The following CCND1 variants were observed in gnomAD, a reference collection of about 807,000 sequenced individuals.
The protein encoded by CCND1 is cyclin D1.
A neutral mutation model predicts 26.1 loss-of-function variants in CCND1; 9 were observed. The observed-to-expected ratio is 0.35, with a 90% CI of 0.21 to 0.60. The LOEUF (loss-of-function observed/expected upper bound fraction) is 0.60, where lower values mean the gene tolerates loss of function less well. Ranked by LOEUF, CCND1 falls within the 20% of genes least tolerant of loss-of-function variation. CCND1 has a pLI of 0.79. For missense variants in CCND1, 335 were observed against 392.9 expected (o/e 0.85, Z 1.25); for synonymous variants, 194 against 166.1 (o/e 1.17, Z -1.29).
chr11:69,647,866 CAG>C (rs1855803711), intron 3 of CCND1, 126 bp from the exon 4 acceptor site: 2 of 1,034,910 alleles, frequency 1.9e-6, no homozygotes, highest in African/African-American at 3.2e-5. Context: ...TGTGGAGCCT[CAG>C]ATACCGAGTG....
intron 3 of CCND1, chr11:69,644,207 A>G: frequency 1.7e-6 from 1 of 596,918 alleles, no homozygotes; most frequent in Non-Finnish European, 3.0e-6. Context: ...GCCACCATGC[A>G]GTACCTTGGG....
rs768653098 is a variant in CCND1 at position 69,643,111 on chromosome 11, C to T, written c.279C>T (p.Pro93=). The change falls in exon 2 of 5, where the codon CCC becomes CCT. Residue 93 remains proline, a synonymous_variant. Coordinates refer to ENST00000227507, the MANE Select transcript of CCND1 (RefSeq NM_053056.3). ...NYLDRFLSLE[P]VKKSRLQLLG... Reference sequence around the variant, plus strand: ...TGGACCGCTTCCTGTCGCTGGAGCCCGTGAAAAAGAGCCGCCTGCAGCTGC... The same window carrying T: ...TGGACCGCTTCCTGTCGCTGGAGCCTGTGAAAAAGAGCCGCCTGCAGCTGC... 6.2e-7 allele frequency: 1 copy of T among 1,610,916 alleles called. No individual in the cohort carries two copies.
At chr11:69,645,768 C>A (rs1332799324) in intron 3 of CCND1, among the ~76,000 whole-genome samples, 2 of 152,142 alleles carry the variant, frequency 1.3e-5, no homozygotes, top group African/African-American at 2.4e-5. Flanking sequence ...TTGCCCTCCA[C>A]GTGGCAAAGG....
chr11:69,653,603 G>A lies in CCND1; in HGVS notation c.*2321G>A, dbSNP rs1427669336. On this transcript the variant is annotated 3_prime_UTR_variant, in exon 5 of 5. Coordinates refer to ENST00000227507, the MANE Select transcript of CCND1 (RefSeq NM_053056.3). ...ACACAGGCTGGCGGGGGCCGGCCCC[G>A]AGGCCGCGTGCGTGAGAACCGCGCC... 14 of 485,314 alleles carry A rather than the reference G, an allele frequency of 2.9e-5. No homozygotes were observed. Among genetic ancestry groups the A allele is most frequent in the Non-Finnish European group, 4.4e-5 (12 of 274,910 alleles). The allele number at this position is 485,314 out of a possible 1,614,324, so 30.1% of individuals were successfully genotyped here.
At chr11:69,647,951 G>A (rs1238452240) in intron 3 of CCND1, 43 bp from the exon 4 acceptor site, 2 of 1,609,056 alleles carry the variant, frequency 1.2e-6, no homozygotes, top group South Asian at 1.1e-5. Context: ...CCCTGAGAGG[G>A]TCCCCTGCTC....
At chr11:69,645,317 T>TCCCC (rs904608057) in intron 3 of CCND1, among the ~76,000 whole-genome samples, 11 of 152,144 alleles carry the variant, frequency 7.2e-5, no homozygotes, top group African/African-American at 2.7e-4. Flanking sequence ...GGAGAGAACG[T>TCCCC]GGGGCGTGGT....
Position 69,652,109 on chromosome 11 carries a change from C to CTCTT in CCND1, c.*828_*829insCTTT, listed in dbSNP as rs1264112819. ...CCTGTCCCACTCCTACGATACGCTA[C>CTCTT]TATAAAGAGAAGACGAAATAGTGAC... On this transcript the variant is annotated 3_prime_UTR_variant, in exon 5 of 5. Coordinates refer to ENST00000227507, the MANE Select transcript of CCND1 (RefSeq NM_053056.3). 1 of 233,372 alleles carries CTCTT rather than the reference C, an allele frequency of 4.3e-6. No homozygotes were observed. The highest frequency in any genetic ancestry group is 5.6e-5 in the Admixed American group (1 of 17,756). 14.5% of individuals were successfully genotyped at this position (233,372 alleles called of 1,614,324 possible). A position where few individuals can be genotyped will look rare whatever the true frequency, so the allele number is the denominator to read the frequency against.
chr11:69,654,264 C>T lies in CCND1; in HGVS notation c.*2982C>T, dbSNP rs1294668998. ...CACAAGTCCTGGATGTTGTGTGTAT[C>T]GAGAGGCCAAAGGCTGGTGGCAAGT... On this transcript the variant is annotated 3_prime_UTR_variant, in exon 5 of 5. Coordinates refer to ENST00000227507, the MANE Select transcript of CCND1 (RefSeq NM_053056.3). This position sits in a 1 kb window ranked among gnomAD's most constrained non-coding sequence, Gnocchi z 6.3. The T allele has an allele frequency of 2.4e-5, 17 of 702,440 alleles. No homozygotes were observed. Among genetic ancestry groups the T allele is most frequent in the South Asian group, 1.2e-4 (8 of 67,606 alleles). 43.5% of individuals were successfully genotyped at this position (702,440 alleles called of 1,614,324 possible). A position where few individuals can be genotyped will look rare whatever the true frequency, so the allele number is the denominator to read the frequency against.
At chr11:69,645,499 G>A (rs2120100276) in intron 3 of CCND1, among the ~76,000 whole-genome samples, 1 of 152,304 alleles carries the variant, frequency 6.6e-6, no homozygotes, top group Non-Finnish European at 1.5e-5. Flanking sequence ...GGACACTTGG[G>A]GACCCAGCTG....
At chr11:69,651,046 G>A (rs2120118720) in intron 4 of CCND1, 72 bp from the exon 5 acceptor site, 2 of 1,439,096 alleles carry the variant, frequency 1.4e-6, no homozygotes, top group Non-Finnish European at 1.9e-6. Flanking sequence ...ATGGCACCTG[G>A]GAAGGGGCCC....
rs765904377 is a variant in CCND1 at position 69,641,479 on chromosome 11, A to T, written c.166A>T (p.Met56Leu). ...TGTGCAGAAGGAGGTCCTGCCGTCC[A>T]TGCGGAAGATCGTCGCCACCTGGAT... is the stretch of plus-strand genomic sequence containing the variant. The part of the protein sequence containing the change: ...KCVQKEVLPS[M>L]RKIVATWMLE... The change falls in exon 1 of 5, where the codon ATG becomes TTG. Residue 56 changes from methionine to leucine, a missense_variant. Met to Leu is a conservative substitution (Grantham distance 15). Transcript: ENST00000227507. The T allele has an allele frequency of 1.2e-6, 2 of 1,613,258 alleles. No individual in the cohort carries two copies. Among genetic ancestry groups the T allele is most frequent in the Non-Finnish European group, 1.7e-6 (2 of 1,179,982 alleles).
Position 69,643,254 on chromosome 11 carries a change from CT to C in CCND1, c.414+9del, listed in dbSNP as rs1484194988. The C allele has an allele frequency of 1.7e-5, 27 of 1,553,298 alleles. No homozygotes were observed. Among genetic ancestry groups the C allele is most frequent in the Non-Finnish European group, 2.3e-5 (26 of 1,149,870 alleles). ...CGGCCCGAGGAGCTGCTGGTAACCA[CT>C]GGACCCCGCCGCCCCCCGCCCCCCG... is the stretch of plus-strand genomic sequence containing the variant. On this transcript the variant is annotated intron_variant, in intron 2 of 4. Coordinates refer to ENST00000227507, the MANE Select transcript of CCND1 (RefSeq NM_053056.3).
rs1441419432 is a variant in CCND1 at position 69,652,807 on chromosome 11, C to T, written c.*1525C>T. ...ACACACACACACACACACACACAAA[C>T]CTTCTGCCTTTGATGTTACAGATTT... On this transcript the variant is annotated 3_prime_UTR_variant, in exon 5 of 5. Coordinates refer to ENST00000227507, the MANE Select transcript of CCND1 (RefSeq NM_053056.3). 2 of 231,688 alleles carry T rather than the reference C, an allele frequency of 8.6e-6. No individual in the cohort carries two copies. Among genetic ancestry groups the T allele is most frequent in the African/African-American group, 4.5e-5 (2 of 44,088 alleles). The allele number at this position is 231,688 out of a possible 1,614,324, so 14.4% of individuals were successfully genotyped here.
chr11:69,644,489 C>T (rs1403017857), intron 3 of CCND1, among the ~76,000 whole-genome samples: 1 of 152,192 alleles, frequency 6.6e-6, no homozygotes, highest in East Asian at 1.9e-4. Flanking sequence ...CTCTGGGCAG[C>T]CGAGTGCAGG....
chr11:69,648,267 C>A (rs1197931088), intron 4 of CCND1, 125 bp downstream of exon 4: 2 of 1,028,208 alleles, frequency 1.9e-6, no homozygotes, highest in South Asian at 3.2e-5. Context: ...TGGGGCTGGG[C>A]CCCTCGGACC....
intron 2 of CCND1, 34 bp from the exon 3 acceptor site, chr11:69,643,798 C>A (rs2120092919): frequency 6.3e-7 from 1 of 1,581,692 alleles, no homozygotes; most frequent in Middle Eastern, 1.7e-4. Context: ...CTGGCCCGCA[C>A]CTCCCCTGAT....
rs369309004 is a variant in CCND1, at chr11:69,653,159, G to T, written c.*1877G>T. ...GGCTGACGTGTGAGGGAGGACAGGC[G>T]GGAGGAGGTGTGAGGAGGAGGCTCC... On this transcript the variant is annotated 3_prime_UTR_variant, in exon 5 of 5. Transcript: ENST00000227507. 10 of 620,944 alleles carry T rather than the reference G, an allele frequency of 1.6e-5. No individual in the cohort carries two copies. In the South Asian group the frequency reaches 1.9e-4, roughly 12 times the overall value. 38.5% of individuals were successfully genotyped at this position (620,944 alleles called of 1,614,324 possible).
chr11:69,646,865 G>A (rs1855789208), intron 3 of CCND1, among the ~76,000 whole-genome samples: 1 of 152,236 alleles, frequency 6.6e-6, no homozygotes, highest in Non-Finnish European at 1.5e-5. Flanking sequence ...AGTCACAGAG[G>A]CCCCGAGACG....
intron 3 of CCND1, among the ~76,000 whole-genome samples, chr11:69,647,557 G>A (rs989483961): frequency 1.3e-5 from 2 of 152,216 alleles, no homozygotes; most frequent in Admixed American, 1.3e-4. Context: ...CCCTGCTGCT[G>A]GGGGGTGGCA....
Sources: gnomAD v4.1 joint callset for allele counts (sites outside exome capture counted in the v4.1 genomes callset) on GRCh38, gnomAD v4.1.1 for gene constraint, Gnocchi (gnomAD v3.1) non-coding constraint, MANE v1.5 for transcripts, NCBI Gene and HGNC (gene_info 2026-07-23, HGNC 2026-07-21) for gene names.